The following MATN3 variants were observed in gnomAD, a reference collection of about 807,000 sequenced individuals.
The protein encoded by MATN3 is matrilin-3.
A neutral mutation model predicts 45.3 loss-of-function variants in MATN3; 48 were observed. That is an observed-to-expected ratio of 1.06 (90% CI 0.84 to 1.35). The LOEUF (loss-of-function observed/expected upper bound fraction) is 1.35, where lower values mean the gene tolerates loss of function less well. MATN3 is among the 40% of genes most tolerant of loss of function. The pLI is 0.00. For missense variants in MATN3, 599 were observed against 628.0 expected, an observed-to-expected ratio of 0.95 and a Z score of 0.49; for synonymous variants, 217 against 245.9, an observed-to-expected ratio of 0.88 and a Z score of 1.10.
At chr2:19,998,874 G>A (rs1672930974) in intron 5 of MATN3, among the ~76,000 whole-genome samples, 1 of 152,056 alleles carries the variant, frequency 6.6e-6, no homozygotes, top group Non-Finnish European at 1.5e-5. Flanking sequence ...AGGCTTAGTG[G>A]TTAAGAGCCT....
rs1388500688 is a variant in MATN3, at chr2:20,006,171, C to T, written c.363G>A (p.Arg121=). The T allele has an allele frequency of 6.2e-7, 1 of 1,613,994 alleles. No homozygotes were observed. The highest frequency in any genetic ancestry group is 8.5e-7 in the Non-Finnish European group (1 of 1,179,902). ...DTLDIGPADT[R]VAVVNYASTV... ...TGCTAGCATAGTTCACCACTGCCAC[C>T]CGCGTGTCGGCTGGCCCAATGTCCA... Residue 121 remains arginine (R), a synonymous_variant, in exon 2 of 8, where the codon CGG becomes CGA. Coordinates refer to ENST00000407540, the MANE Select transcript of MATN3 (RefSeq NM_002381.5).
chr2:19,997,642 AG>A, intron 5 of MATN3: 1 of 159,052 alleles, frequency 6.3e-6, no homozygotes, highest in Non-Finnish European at 1.4e-5. Context: ...CATCACCAAA[AG>A]TAATGTTTTA....
intron 1 of MATN3, among the ~76,000 whole-genome samples, chr2:20,007,224 A>C (rs189394306): frequency 3.8e-4 from 57 of 149,756 alleles, no homozygotes; most frequent in East Asian, 2.2e-3. Flanking sequence ...CAAAACAAAA[A>C]AAAAAGTAAG....
chr2:20,002,333 A>G (rs1219322268), intron 3 of MATN3, among the ~76,000 whole-genome samples: 2 of 152,168 alleles, frequency 1.3e-5, no homozygotes, highest in Admixed American at 6.5e-5. Flanking sequence ...AAATTAAGTT[A>G]TCTCTAAGCT....
Position 20,005,870 on chromosome 2 carries a change from C to T in MATN3, c.664G>A (p.Val222Met), listed in dbSNP as rs753889985. ...AGGGACGCCATGTCTGCCCGGTCCA[C>T]GCCCACAGCATAGAGCTCAATACCA... ...ASGIELYAVG[V>M]DRADMASLKM... is the part of the protein sequence containing the mutation. The change falls in exon 2 of 8, where the codon GTG (valine) becomes ATG (methionine). Residue 222 changes from valine to methionine, a missense_variant. By Grantham distance (21) the Val-to-Met change is conservative. Coordinates refer to ENST00000407540, the MANE Select transcript of MATN3 (RefSeq NM_002381.5). 33 of 1,608,756 alleles carry T rather than the reference C, an allele frequency of 2.1e-5. No homozygotes were observed. Among genetic ancestry groups the T allele is most frequent in the Admixed American group, 1.0e-4 (6 of 58,988 alleles).
In MATN3 at chr2:19,995,177, G is replaced by A. The variant is rs1323519250; in HGVS notation, c.1295-768C>T. ...TACCAAAGATGAAAACTAGGGCCAG[G>A]CGCAGTGGCTCACACCTGTAATCCC... On this transcript the variant is annotated intron_variant, in intron 6 of 7. Coordinates refer to ENST00000407540, the MANE Select transcript of MATN3 (RefSeq NM_002381.5). The surrounding 1 kb of genome is among the most constrained non-coding windows in gnomAD (Gnocchi z 4.2). Among the ~76,000 whole-genome samples the A allele has an allele frequency of 6.6e-6, 1 of 152,198 alleles. No homozygotes were observed. The highest frequency in any genetic ancestry group is 2.1e-4 in the South Asian group (1 of 4,830).
At chr2:20,002,158 T>TTG (rs1672996940) in intron 3 of MATN3, 78 bp from the exon 4 acceptor site, 1 of 674,996 alleles carries the variant, frequency 1.5e-6, no homozygotes, top group African/African-American at 3.6e-5. Flanking sequence ...CCACTTACAG[T>TTG]TATACACACA....
intron 6 of MATN3, 139 bp from the exon 7 acceptor site, chr2:19,994,548 T>C: frequency 5.1e-6 from 3 of 592,288 alleles, no homozygotes; most frequent in Non-Finnish European, 8.9e-6. Flanking sequence ...AAGGGATAGA[T>C]GAACAAACAA....
chr2:19,993,188 C>G, intron 7 of MATN3, 22 bp from the exon 8 acceptor site: 1 of 1,572,160 alleles, frequency 6.4e-7, no homozygotes, highest in African/African-American at 1.3e-5. Flanking sequence ...TTAAGGCCAA[C>G]ACCATTTATT....
intron 2 of MATN3, among the ~76,000 whole-genome samples, chr2:20,005,307 G>T (rs1673072910): frequency 6.6e-6 from 1 of 152,162 alleles, no homozygotes; most frequent in Admixed American, 6.5e-5. Flanking sequence ...CCTGTCTTCT[G>T]CAGGAGAACA....
In MATN3 at chr2:20,006,287, C is replaced by T; in HGVS notation, c.247G>A (p.Asp83Asn). 2 of 1,580,318 alleles carry T rather than the reference C, an allele frequency of 1.3e-6. No homozygotes were observed. Among genetic ancestry groups the T allele is most frequent in the Non-Finnish European group, 1.7e-6 (2 of 1,164,662 alleles). The stretch of plus-strand genomic sequence containing the variant: ...GAACTATCAATGATAAACACCAGGT[C>T]CAAGGGTCTGCTCTTGCAAACACCT... ...GAGVCKSRPL[D>N]LVFIIDSSRS... Residue 83 changes from aspartate (D) to asparagine (N), a missense_variant, in exon 2 of 8, where the codon GAC becomes AAC. Coordinates refer to ENST00000407540, the MANE Select transcript of MATN3 (RefSeq NM_002381.5).
At chr2:19,998,246 T>C (rs1672917283) in intron 5 of MATN3, among the ~76,000 whole-genome samples, 1 of 152,120 alleles carries the variant, frequency 6.6e-6, no homozygotes, top group Non-Finnish European at 1.5e-5. Flanking sequence ...CAAAATGCCT[T>C]ATAGCAGGGT....
rs1199110062 is a variant in MATN3, at chr2:20,002,033, C to T, written c.964G>A (p.Val322Met). 6.8e-6 allele frequency: 11 copies of T among 1,612,650 alleles called. No homozygotes were observed. Among genetic ancestry groups the T allele is most frequent in the Non-Finnish European group, 9.3e-6 (11 of 1,178,828 alleles). The stretch of plus-strand genomic sequence containing the variant: ...TGATAAGAGCCACTTCTGTCATTCA[C>T]ACAGATGTGCTCACATCCGTGGGTG... ...LNTHGCEHIC[V>M]NDRSGSYHCE... The change falls in exon 4 of 8, where the codon GTG becomes ATG. Residue 322 changes from valine (V) to methionine (M), a missense_variant. Physicochemically the swap from Val to Met is conservative, Grantham distance 21. Transcript: ENST00000407540.
chr2:20,001,829 G>T, intron 4 of MATN3, 126 bp downstream of exon 4: 1 of 861,206 alleles, frequency 1.2e-6, no homozygotes, highest in Non-Finnish European at 1.8e-6. Context: ...CTTAAAAATG[G>T]GAAAAGCTCA....
chr2:20,002,448 G>A (rs1673004407), intron 3 of MATN3, among the ~76,000 whole-genome samples: 1 of 152,126 alleles, frequency 6.6e-6, no homozygotes, highest in Admixed American at 6.5e-5. Flanking sequence ...CCAGACCAGT[G>A]AGTACCCCTC....
intron 4 of MATN3, 110 bp downstream of exon 4, chr2:20,001,845 G>T (rs1672990086): frequency 9.7e-7 from 1 of 1,026,854 alleles, no homozygotes; most frequent in Non-Finnish European, 1.4e-6. Context: ...GCTCAAGGTG[G>T]CAAGAGAGGA....
intron 5 of MATN3, among the ~76,000 whole-genome samples, chr2:19,998,133 T>G (rs1672915189): frequency 6.6e-6 from 1 of 152,240 alleles, no homozygotes; most frequent in African/African-American, 2.4e-5. Context: ...ATAGAATAGC[T>G]TCTTGTGAAA....
At chr2:20,002,692 T>C (rs920442693) in intron 3 of MATN3, among the ~76,000 whole-genome samples, 1 of 152,040 alleles carries the variant, frequency 6.6e-6, no homozygotes, top group African/African-American at 2.4e-5. Flanking sequence ...CTCGACCTCC[T>C]GGTCTCAAAC....
intron 2 of MATN3, chr2:20,004,256 A>G (rs1454342674): frequency 1.3e-5 from 2 of 152,196 alleles, no homozygotes; most frequent in Non-Finnish European, 2.9e-5. Flanking sequence ...TTTCCCCCAG[A>G]ACAAGCAGGT....
Sources: allele counts gnomAD v4.1 joint callset (sites outside exome capture counted in the v4.1 genomes callset), GRCh38; gene constraint gnomAD v4.1.1; non-coding constraint Gnocchi (gnomAD v3.1); transcripts MANE v1.5; gene names NCBI Gene and HGNC (gene_info 2026-07-23, HGNC 2026-07-21).